Variants in NMT2 observed in about 807,000 individuals in gnomAD.
The protein encoded by NMT2 is glycylpeptide N-tetradecanoyltransferase 2.
NMT2 carries 35 observed loss-of-function variants against 65.4 expected under a neutral mutation model. The ratio of observed to expected loss-of-function variants is 0.54; its 90% CI spans 0.41 to 0.71. The LOEUF (loss-of-function observed/expected upper bound fraction) is 0.71, where lower values mean the gene tolerates loss of function less well. NMT2 is among the 30% of genes least tolerant of loss of function. The probability of loss-of-function intolerance (pLI) is 0.00; values close to 1 mark genes in which losing one functional copy is unlikely to be tolerated. For synonymous variants in NMT2, 226 were observed against 231.8 expected, an observed-to-expected ratio of 0.98 and a Z score of 0.23; for missense variants, 489 against 611.3, an observed-to-expected ratio of 0.80 and a Z score of 2.11.
At chr10:15,118,020 A>C (rs1252603665) in intron 9 of NMT2, among the ~76,000 whole-genome samples, 4 of 152,202 alleles carry the variant, frequency 2.6e-5, no homozygotes, top group African/African-American at 9.6e-5. Context: ...GCTTATTCTA[A>C]AATGTATATG....
chr10:15,112,771 G>T, intron 10 of NMT2, 25 bp downstream of exon 10: 1 of 1,589,454 alleles, frequency 6.3e-7, no homozygotes, highest in Non-Finnish European at 8.6e-7. Flanking sequence ...GAACCAAACG[G>T]CGTGAACAGG....
intron 1 of NMT2, among the ~76,000 whole-genome samples, chr10:15,154,299 T>C (rs1832912984): frequency 6.6e-6 from 1 of 152,194 alleles, no homozygotes; most frequent in Non-Finnish European, 1.5e-5. Flanking sequence ...GGTCCAGCAA[T>C]AGGGGACTAA....
chr10:15,131,491 T>C (rs973071342), intron 6 of NMT2, among the ~76,000 whole-genome samples: 6 of 152,076 alleles, frequency 3.9e-5, no homozygotes, highest in African/African-American at 1.2e-4. Flanking sequence ...ATTATGGTAA[T>C]AACTGAGTCA....
At chr10:15,127,464 G>A (rs1322202326) in intron 8 of NMT2, among the ~76,000 whole-genome samples, 8 of 135,246 alleles carry the variant, frequency 5.9e-5, no homozygotes, top group South Asian at 5.1e-4. Context: ...GGAGAATGGC[G>A]TGAACCCAGG....
At chr10:15,154,824 G>C (rs188358131) in intron 1 of NMT2, 3 of 771,550 alleles carry the variant, frequency 3.9e-6, no homozygotes, top group Non-Finnish European at 6.8e-6. Flanking sequence ...GTCAGCAGTG[G>C]TGATCTTCTT....
At chr10:15,165,911 A>C (rs1021972504) in intron 1 of NMT2, among the ~76,000 whole-genome samples, 1 of 152,072 alleles carries the variant, frequency 6.6e-6, no homozygotes, top group African/African-American at 2.4e-5. Flanking sequence ...TCCATGAAAA[A>C]CAAGATATAA....
chr10:15,168,657 A>G lies in NMT2; in HGVS notation c.-45T>C. 6.9e-7 allele frequency: 1 copy of G among 1,450,686 alleles called. No individual in the cohort carries two copies. The highest frequency in any genetic ancestry group is 1.2e-5 in the South Asian group (1 of 83,028). 89.9% of individuals were successfully genotyped at this position (1,450,686 alleles called of 1,614,324 possible). A position where few individuals can be genotyped will look rare whatever the true frequency, so the allele number is the denominator to read the frequency against. Reference sequence around the variant, plus strand: ...GAGGCGGTGCTCGGGGCCGGGCCGGAGCGGCCGCAGCTCCCTCTAGTGCCT... The same window carrying G: ...GAGGCGGTGCTCGGGGCCGGGCCGGGGCGGCCGCAGCTCCCTCTAGTGCCT... On this transcript the variant is annotated 5_prime_UTR_variant, in exon 1 of 12. Coordinates refer to ENST00000378165, the MANE Select transcript of NMT2 (RefSeq NM_004808.3).
chr10:15,128,161 A>T (rs1374346775), intron 8 of NMT2, among the ~76,000 whole-genome samples, 189 bp downstream of exon 8: 6 of 152,226 alleles, frequency 3.9e-5, no homozygotes, highest in Non-Finnish European at 5.9e-5. Flanking sequence ...TTGGGAAAAA[A>T]GGAAAGATTG....
At chr10:15,121,584 C>T (rs1200750958) in intron 8 of NMT2, among the ~76,000 whole-genome samples, 1 of 152,210 alleles carries the variant, frequency 6.6e-6, no homozygotes, top group South Asian at 2.1e-4. Context: ...CCAGGCTGGT[C>T]TCGAATGCCT....
Position 15,168,654 on chromosome 10 carries a change from CGGAGCGGCCGCA to C in NMT2, c.-54_-43del. The stretch of plus-strand genomic sequence containing the variant: ...GGGGAGGCGGTGCTCGGGGCCGGGC[CGGAGCGGCCGCA>C]GCTCCCTCTAGTGCCTCCCGCCGTA... On this transcript the variant is annotated 5_prime_UTR_variant, in exon 1 of 12. Coordinates refer to ENST00000378165, the MANE Select transcript of NMT2 (RefSeq NM_004808.3). 1 of 1,498,700 alleles carries C rather than the reference CGGAGCGGCCGCA, an allele frequency of 6.7e-7. No individual in the cohort carries two copies. The highest frequency in any genetic ancestry group is 9.0e-7 in the Non-Finnish European group (1 of 1,113,116). The allele number at this position is 1,498,700 out of a possible 1,614,324, so 92.8% of individuals were successfully genotyped here. A position where few individuals can be genotyped will look rare whatever the true frequency, so the allele number is the denominator to read the frequency against.
At chr10:15,155,225 T>C (rs754730809) in intron 1 of NMT2, 4 of 1,519,992 alleles carry the variant, frequency 2.6e-6, no homozygotes, top group Non-Finnish European at 2.7e-6. Flanking sequence ...GAAAGTTTTC[T>C]GTCTTTGGAA....
At position 15,112,905 on chromosome 10, in the gene NMT2, A is replaced by G. The variant is rs200831391; in HGVS notation, c.1229T>C (p.Met410Thr). ...LSFYTLPSTV[M>T]HHPAHKSLKA... ...GAGGCTCTTGTGAGCAGGGTGGTGC[A>G]TCACCGTGGAGGGGAGCGTATAGAA... The change falls in exon 10 of 12, where the codon ATG (methionine) becomes ACG (threonine). Residue 410 changes from methionine (M) to threonine (T), a missense_variant. Met to Thr is a moderately conservative substitution (Grantham distance 81). Coordinates refer to ENST00000378165, the MANE Select transcript of NMT2 (RefSeq NM_004808.3). The G allele has an allele frequency of 7.4e-6, 12 of 1,614,164 alleles. No homozygotes were observed. In the East Asian group the frequency reaches 2.5e-4, roughly 33 times the overall value.
rs1458603970 is a variant in NMT2, at chr10:15,112,906, T to C, written c.1228A>G (p.Met410Val). 3 of 1,614,054 alleles carry C rather than the reference T, an allele frequency of 1.9e-6. No homozygotes were observed. The highest frequency in any genetic ancestry group is 2.5e-6 in the Non-Finnish European group (3 of 1,179,994). Residue 410 changes from methionine (M) to valine (V), a missense_variant, in exon 10 of 12, where the codon ATG becomes GTG. Physicochemically the swap from Met to Val is conservative, Grantham distance 21. Transcript: ENST00000378165. ...LSFYTLPSTV[M>V]HHPAHKSLKA... The stretch of plus-strand genomic sequence containing the variant: ...AGGCTCTTGTGAGCAGGGTGGTGCA[T>C]CACCGTGGAGGGGAGCGTATAGAAG...
At chr10:15,133,606 A>C (rs887817469) in intron 3 of NMT2, among the ~76,000 whole-genome samples, 4 of 152,046 alleles carry the variant, frequency 2.6e-5, no homozygotes, top group African/African-American at 9.7e-5. Flanking sequence ...TTTTCTTTTG[A>C]GACGGGGTCT....
rs1417976595 is a variant in NMT2, at chr10:15,158,177, A to T, written c.110+10326T>A. Among the ~76,000 whole-genome samples the T allele has an allele frequency of 3.3e-5, 5 of 152,002 alleles. No individual in the cohort carries two copies. The South Asian group carries it at 1.0e-3, about 32-fold the overall frequency. ...CTAAAAATACAAAAATTAGCCGGGC[A>T]TGGTGGCAGGCGCCTGTAATCCCAG... is the stretch of plus-strand genomic sequence containing the variant. On this transcript the variant is annotated intron_variant, in intron 1 of 11. Coordinates refer to ENST00000378165, the MANE Select transcript of NMT2 (RefSeq NM_004808.3).
intron 1 of NMT2, among the ~76,000 whole-genome samples, chr10:15,157,988 C>G (rs1833057413): frequency 6.6e-6 from 1 of 152,070 alleles, no homozygotes; most frequent in Non-Finnish European, 1.5e-5. Context: ...AAGCCACAAT[C>G]TCTTCATTTG....
At position 15,162,436 on chromosome 10, in the gene NMT2, T is replaced by C. The variant is rs557073201; in HGVS notation, c.110+6067A>G. ...TCCAGTATGATAGCCACTAGTCACA[T>C]GGAGCTATTTAAATTTAAATTAATT... is the stretch of plus-strand genomic sequence containing the variant. On this transcript the variant is annotated intron_variant, in intron 1 of 11. Transcript: ENST00000378165. Among the ~76,000 whole-genome samples, 3 of 152,286 alleles carry C rather than the reference T, an allele frequency of 2.0e-5. No homozygotes were observed. The East Asian group carries it at 5.8e-4, about 29-fold the overall frequency.
intron 2 of NMT2, among the ~76,000 whole-genome samples, chr10:15,135,803 C>G (rs1269429598): frequency 6.6e-6 from 1 of 151,248 alleles, no homozygotes. Flanking sequence ...AGAGTAAATG[C>G]TCTGCAGGAG....
intron 1 of NMT2, among the ~76,000 whole-genome samples, chr10:15,141,870 G>A (rs971467912): frequency 3.3e-5 from 5 of 152,134 alleles, no homozygotes; most frequent in Admixed American, 6.5e-5. Context: ...CCTAATCTAC[G>A]TTTAAGTCAG....
Sources: allele counts gnomAD v4.1 joint callset (sites outside exome capture counted in the v4.1 genomes callset), GRCh38; gene constraint gnomAD v4.1.1; transcripts MANE v1.5; gene names NCBI Gene and HGNC (gene_info 2026-07-23, HGNC 2026-07-21).